Variants in ENAH observed in about 807,000 individuals in gnomAD.
ENAH encodes protein enabled homolog.
Under a neutral mutation model 78.7 loss-of-function variants are expected in ENAH, and 23 were observed. That is an observed-to-expected ratio of 0.29 (90% confidence interval 0.21 to 0.41). The LOEUF is 0.41. Among genes scored for constraint, ENAH ranks in the 10% least tolerant of loss-of-function variants. ENAH has a pLI of 1.00. For synonymous variants in ENAH, 226 were observed against 241.0 expected (o/e 0.94, Z 0.58); for missense variants, 544 against 691.0 (o/e 0.79, Z 2.39).
intron 3 of ENAH, chr1:225,535,468 C>T (rs550961743): frequency 7.9e-7 from 1 of 1,269,126 alleles, no homozygotes; most frequent in African/African-American, 1.5e-5. Context: ...TAGCATGTAC[C>T]ACAGCTTGAA....
chr1:225,588,803 A>C (rs1415191041), intron 1 of ENAH, among the ~76,000 whole-genome samples: 1 of 9,376 alleles, frequency 1.1e-4, no homozygotes, highest in African/African-American at 3.3e-4. Context: ...GTCTGTGTCA[A>C]AAAAAAAAAA....
chr1:225,551,741 CAG>C (rs570241160), intron 3 of ENAH, among the ~76,000 whole-genome samples: 396 of 152,180 alleles, frequency 2.6e-3, no homozygotes, highest in Non-Finnish European at 4.4e-3. Flanking sequence ...AAAATACAAA[CAG>C]AAATGTTTAA....
intron 12 of ENAH, among the ~76,000 whole-genome samples, chr1:225,499,536 G>A (rs916511095): frequency 7.2e-5 from 11 of 152,238 alleles, no homozygotes; most frequent in Non-Finnish European, 1.3e-4. Flanking sequence ...GCCGGGCGTG[G>A]TAGTGCACAC....
intron 1 of ENAH, among the ~76,000 whole-genome samples, chr1:225,574,932 A>ATAT (rs1491247727): frequency 7.7e-6 from 1 of 130,092 alleles, no homozygotes; most frequent in Non-Finnish European, 1.7e-5. Context: ...ATATATATAT[A>ATAT]AAAAAAAAAA....
rs938168303 is a variant in ENAH, at chr1:225,519,140, C to G, written c.802+58G>C. 1.9e-6 allele frequency: 3 copies of G among 1,582,954 alleles called. No homozygotes were observed. The Admixed American group carries it at 5.2e-5, about 27-fold the overall frequency. ...TGAAATATTTTAACACATGACTGCA[C>G]AAGAGACATCATCCAAGCTCAGATA... On this transcript the variant is annotated intron_variant, in intron 5 of 13. Coordinates refer to ENST00000366843, the MANE Select transcript of ENAH (RefSeq NM_018212.6).
At chr1:225,614,116 T>G (rs1230114575) in intron 1 of ENAH, among the ~76,000 whole-genome samples, 2 of 151,904 alleles carry the variant, frequency 1.3e-5, no homozygotes, top group Non-Finnish European at 2.9e-5. Context: ...TGGAGTGCAA[T>G]GGCACAATCT....
chr1:225,579,778 A>G (rs1443062800), intron 1 of ENAH, among the ~76,000 whole-genome samples: 1 of 152,270 alleles, frequency 6.6e-6, no homozygotes, highest in Non-Finnish European at 1.5e-5. Flanking sequence ...TTCAAAAAGA[A>G]TAGGTAAAAA....
chr1:225,616,008 G>A (rs997811941), intron 1 of ENAH, among the ~76,000 whole-genome samples: 3 of 152,322 alleles, frequency 2.0e-5, no homozygotes, highest in Admixed American at 2.0e-4. Flanking sequence ...GCCTTGGGAT[G>A]CTGTTAATCT....
At chr1:225,555,104 AT>A in intron 2 of ENAH, 21 bp from the exon 3 acceptor site, 5 of 1,499,106 alleles carry the variant, frequency 3.3e-6, no homozygotes, top group Non-Finnish European at 4.5e-6. Context: ...ATAATTCTTT[AT>A]AAAGTCAAAC....
At chr1:225,513,087 TAA>T in intron 7 of ENAH, 71 bp from the exon 8 acceptor site, 1 of 1,312,044 alleles carries the variant, frequency 7.6e-7, no homozygotes, top group Non-Finnish European at 1.0e-6. Flanking sequence ...ATATTACATC[TAA>T]AACAGAAGGA....
chr1:225,545,449 C>T (rs1054030439), intron 3 of ENAH, among the ~76,000 whole-genome samples: 13 of 152,068 alleles, frequency 8.5e-5, no homozygotes, highest in Non-Finnish European at 1.8e-4. Context: ...ATTTACTGTA[C>T]TAAATAACTA....
chr1:225,615,245 G>A (rs1006914518), intron 1 of ENAH, among the ~76,000 whole-genome samples: 1 of 152,166 alleles, frequency 6.6e-6, no homozygotes, highest in African/African-American at 2.4e-5. Context: ...GGGTTTCGCC[G>A]TGTTGGCCCG....
chr1:225,605,675 C>T (rs2096952412), intron 1 of ENAH, among the ~76,000 whole-genome samples: 1 of 152,194 alleles, frequency 6.6e-6, no homozygotes, highest in African/African-American at 2.4e-5. Context: ...TCCTTACCCC[C>T]ATTACCTCAG....
intron 2 of ENAH, among the ~76,000 whole-genome samples, chr1:225,564,169 G>A (rs951101137): frequency 3.3e-5 from 5 of 151,896 alleles, no homozygotes; most frequent in East Asian, 1.9e-4. Context: ...AGGTTGGAGT[G>A]CAGTGGCACA....
chr1:225,622,751 G>C (rs1657220377), intron 1 of ENAH, among the ~76,000 whole-genome samples: 1 of 152,140 alleles, frequency 6.6e-6, no homozygotes, highest in South Asian at 2.1e-4. Context: ...TTCAACCTAA[G>C]AATCTTGGGA....
chr1:225,611,620 A>C (rs1201377124), intron 1 of ENAH, among the ~76,000 whole-genome samples: 1 of 150,630 alleles, frequency 6.6e-6, no homozygotes, highest in Non-Finnish European at 1.5e-5. Context: ...TTGCCCAGAC[A>C]AAAAAAAAAT....
chr1:225,566,105 T>C (rs947280509), intron 2 of ENAH, among the ~76,000 whole-genome samples: 1 of 151,998 alleles, frequency 6.6e-6, no homozygotes, highest in African/African-American at 2.4e-5. Context: ...TTGGCTTAAG[T>C]TGCTTAAGTG....
At chr1:225,517,745 A>G in intron 5 of ENAH, 1 of 1,551,260 alleles carries the variant, frequency 6.4e-7, no homozygotes, top group Non-Finnish European at 8.7e-7. Context: ...ACTGTAGCGT[A>G]ATGGGGAAGA....
At chr1:225,589,005 AT>A (rs2096862121) in intron 1 of ENAH, among the ~76,000 whole-genome samples, 2 of 152,152 alleles carry the variant, frequency 1.3e-5, no homozygotes, top group African/African-American at 4.8e-5. Flanking sequence ...CAAACAACTG[AT>A]ATACATGACA....
Sources: allele counts gnomAD v4.1 joint callset (sites outside exome capture counted in the v4.1 genomes callset), GRCh38; gene constraint gnomAD v4.1.1; transcripts MANE v1.5; gene names NCBI Gene and HGNC (gene_info 2026-07-23, HGNC 2026-07-21).